The following SH2D4B variants were observed in gnomAD, a reference collection of about 807,000 sequenced individuals.
The protein encoded by SH2D4B is SH2 domain-containing protein 4B.
SH2D4B carries 45 observed loss-of-function variants against 61.5 expected under a neutral mutation model. That is an observed-to-expected ratio of 0.73 (90% CI 0.58 to 0.94). The LOEUF is 0.94. Ranked by LOEUF, SH2D4B falls within the 40% of genes least tolerant of loss-of-function variation. SH2D4B has a pLI of 0.00. For synonymous variants in SH2D4B, 224 were observed against 220.4 expected (o/e 1.02, Z -0.14); for missense variants, 572 against 574.2 (o/e 1.00, Z 0.04).
At chr10:80,601,997 A>C (rs1842455750) in intron 4 of SH2D4B, among the ~76,000 whole-genome samples, 1 of 152,220 alleles carries the variant, frequency 6.6e-6, no homozygotes, top group Admixed American at 6.5e-5. Flanking sequence ...GCCTGCCAAG[A>C]TGCAGTGAGA....
intron 1 of SH2D4B, among the ~76,000 whole-genome samples, chr10:80,555,393 C>T (rs1841818518): frequency 6.6e-6 from 1 of 152,218 alleles, no homozygotes; most frequent in Admixed American, 6.5e-5. Flanking sequence ...TCTCTCTGTG[C>T]ACTTGCTTCT....
chr10:80,634,292 T>C lies in SH2D4B; in HGVS notation c.996T>C (p.Ile332=), dbSNP rs1204987536. The part of the protein sequence containing the change: ...KFIAPWFHGI[I]SREDAEALLE... ...TTTTCTATTTTAAATCAGGAATTATTAGCCGAGAAGATGCAGAAGCTCTCC... is the reference window on the plus strand; with the variant it reads ...TTTTCTATTTTAAATCAGGAATTATCAGCCGAGAAGATGCAGAAGCTCTCC... The change falls in exon 7 of 8, where the codon ATT becomes ATC. Residue 332 remains isoleucine, a synonymous_variant. Coordinates refer to ENST00000646907, the MANE Select transcript of SH2D4B (RefSeq NM_001388272.1). 2 of 1,502,484 alleles carry C rather than the reference T, an allele frequency of 1.3e-6. No homozygotes were observed. The highest frequency in any genetic ancestry group is 2.8e-5 in the African/African-American group (2 of 70,688). 93.1% of individuals were successfully genotyped at this position (1,502,484 alleles called of 1,614,324 possible). A position where few individuals can be genotyped will look rare whatever the true frequency, so the allele number is the denominator to read the frequency against.
intron 1 of SH2D4B, among the ~76,000 whole-genome samples, chr10:80,547,593 G>A (rs772221734): frequency 1.3e-5 from 2 of 152,132 alleles, no homozygotes; most frequent in Non-Finnish European, 2.9e-5. Context: ...GGAGGTGACT[G>A]ACAGAATCTC....
At chr10:80,636,544 A>G (rs1229456656) in intron 7 of SH2D4B, among the ~76,000 whole-genome samples, 4 of 152,118 alleles carry the variant, frequency 2.6e-5, no homozygotes, top group Non-Finnish European at 5.9e-5. Context: ...TTCTCTGATG[A>G]CCAGTGATGA....
At position 80,551,883 on chromosome 10, in the gene SH2D4B, A is replaced by G. The variant is rs958447667; in HGVS notation, c.184+13368A>G. On this transcript the variant is annotated intron_variant, in intron 1 of 7. Coordinates refer to ENST00000646907, the MANE Select transcript of SH2D4B (RefSeq NM_001388272.1). Reference sequence around the variant, plus strand: ...GTAGTTTAAACAACAAACATTTCTCACAGCCCTGGACTCTGGATGTCTGAG... The same window carrying G: ...GTAGTTTAAACAACAAACATTTCTCGCAGCCCTGGACTCTGGATGTCTGAG... Among the ~76,000 whole-genome samples, 4 of 152,176 alleles carry G rather than the reference A, an allele frequency of 2.6e-5. No individual in the cohort carries two copies. In the South Asian group the frequency reaches 8.3e-4, roughly 32 times the overall value.
chr10:80,543,523 A>G (rs7099612), intron 1 of SH2D4B, among the ~76,000 whole-genome samples: 66,695 of 152,038 alleles, frequency 0.44, 17,000 homozygotes, highest in African/African-American at 0.72. Context: ...TGTGCCGCCC[A>G]AGCTTCCCCG....
rs1842483218 is a variant in SH2D4B, at chr10:80,603,787, G to A, written c.852G>A (p.Leu284=). 1.9e-6 allele frequency: 3 copies of A among 1,609,304 alleles called. No homozygotes were observed. In the East Asian group the frequency reaches 6.7e-5, roughly 36 times the overall value. Reference sequence around the variant, plus strand: ...CGGGTCTGCCGCAGCCCCTTGCCCTGCCGGTCAGGTGGGTCCAGGCTCCGT... The same window carrying A: ...CGGGTCTGCCGCAGCCCCTTGCCCTACCGGTCAGGTGGGTCCAGGCTCCGT... The part of the protein sequence containing the change: ...PDPGLPQPLA[L]PVSRTWERPL... The change falls in exon 5 of 8, where the codon CTG becomes CTA. Residue 284 remains leucine (L), a synonymous_variant. Transcript: ENST00000646907.
At chr10:80,596,523 GC>G (rs1842387347) in intron 4 of SH2D4B, among the ~76,000 whole-genome samples, 1 of 152,248 alleles carries the variant, frequency 6.6e-6, no homozygotes, top group South Asian at 2.1e-4. Flanking sequence ...TAGTGTTCTG[GC>G]CTGCAGCTTA....
chr10:80,633,444 A>G lies in SH2D4B; in HGVS notation c.989-841A>G, dbSNP rs1842856321. 2.6e-5 allele frequency among the ~76,000 whole-genome samples: 4 copies of G among 152,114 alleles called. No individual in the cohort carries two copies. In the South Asian group the frequency reaches 8.3e-4, roughly 31 times the overall value. On this transcript the variant is annotated intron_variant, in intron 6 of 7. Transcript: ENST00000646907. ...ATCTAAATGTCAAAGGACACTGGAG[A>G]CCTTGAGGGCTTGGCTGGAAATTCC... is the stretch of plus-strand genomic sequence containing the variant.
At chr10:80,637,693 G>A (rs1443318199) in intron 7 of SH2D4B, among the ~76,000 whole-genome samples, 1 of 152,212 alleles carries the variant, frequency 6.6e-6, no homozygotes, top group African/African-American at 2.4e-5. Context: ...GGGCTGAGAT[G>A]ATGGGGTTTT....
chr10:80,585,797 C>T (rs946847878), intron 3 of SH2D4B, among the ~76,000 whole-genome samples: 2 of 152,230 alleles, frequency 1.3e-5, no homozygotes, highest in Non-Finnish European at 2.9e-5. Flanking sequence ...GCCTTTCAGC[C>T]CACCGCTGCA....
intron 6 of SH2D4B, among the ~76,000 whole-genome samples, chr10:80,625,746 A>AT (rs897385949): frequency 1.3e-5 from 2 of 150,380 alleles, no homozygotes; most frequent in Non-Finnish European, 1.5e-5. Context: ...TAATTTTTGT[A>AT]TTTTTTTTGT....
At chr10:80,639,009 G>T (rs186519117) in intron 7 of SH2D4B, among the ~76,000 whole-genome samples, 4 of 152,318 alleles carry the variant, frequency 2.6e-5, no homozygotes, top group Admixed American at 2.6e-4. Context: ...TGGTTTCAAA[G>T]AACAACTTTA....
At chr10:80,611,750 T>A (rs1012470240) in intron 6 of SH2D4B, among the ~76,000 whole-genome samples, 34 of 152,148 alleles carry the variant, frequency 2.2e-4, no homozygotes, top group African/African-American at 8.2e-4. Flanking sequence ...GCGACCAAGG[T>A]GCTCAAATTA....
At chr10:80,595,036 T>C (rs1470362407) in intron 4 of SH2D4B, among the ~76,000 whole-genome samples, 1 of 152,068 alleles carries the variant, frequency 6.6e-6, no homozygotes, top group African/African-American at 2.4e-5. Flanking sequence ...AAAAAAAAAA[T>C]TAAAAAAATT....
intron 4 of SH2D4B, among the ~76,000 whole-genome samples, chr10:80,602,953 T>C (rs1482915403): frequency 6.6e-6 from 1 of 152,182 alleles, no homozygotes; most frequent in African/African-American, 2.4e-5. Context: ...GCTCTGCTCC[T>C]TATGAGCTGA....
chr10:80,597,208 C>T (rs1485599719), intron 4 of SH2D4B, among the ~76,000 whole-genome samples: 1 of 152,000 alleles, frequency 6.6e-6, no homozygotes, highest in African/African-American at 2.4e-5. Context: ...TGAACCAATC[C>T]CCTGAGGATG....
chr10:80,576,967 A>G (rs1385278459), intron 3 of SH2D4B, among the ~76,000 whole-genome samples: 2 of 152,142 alleles, frequency 1.3e-5, no homozygotes, highest in African/African-American at 4.8e-5. Context: ...AGGTTTCACC[A>G]TGTTAGCCAA....
intron 6 of SH2D4B, among the ~76,000 whole-genome samples, chr10:80,620,926 A>G (rs1348002731): frequency 1.3e-5 from 2 of 152,258 alleles, no homozygotes; most frequent in African/African-American, 4.8e-5. Context: ...ACATGAAAAT[A>G]TAGTAGGGGA....
Sources: allele counts gnomAD v4.1 joint callset (sites outside exome capture counted in the v4.1 genomes callset), GRCh38; gene constraint gnomAD v4.1.1; transcripts MANE v1.5; gene names NCBI Gene and HGNC (gene_info 2026-07-23, HGNC 2026-07-21).